Variants in TMEM163 observed in about 807,000 individuals in gnomAD.
TMEM163 encodes the protein transmembrane protein 163.
A neutral mutation model predicts 29.3 loss-of-function variants in TMEM163; 17 were observed. The observed-to-expected ratio is 0.58, with a 90% CI of 0.40 to 0.87. The LOEUF (loss-of-function observed/expected upper bound fraction) is 0.87. TMEM163 is among the 40% of genes least tolerant of loss of function. TMEM163 has a pLI of 0.00. For missense variants in TMEM163, 303 were observed against 381.5 expected (o/e 0.79, Z 1.71); for synonymous variants, 157 against 160.6 (o/e 0.98, Z 0.17).
At chr2:134,632,645 G>A (rs952470285) in intron 2 of TMEM163, among the ~76,000 whole-genome samples, 1 of 152,204 alleles carries the variant, frequency 6.6e-6, no homozygotes, top group Non-Finnish European at 1.5e-5. Context: ...GGTGGAAGGA[G>A]AGGGGCGCTG....
At chr2:134,465,186 C>CT (rs1686636926) in intron 6 of TMEM163, among the ~76,000 whole-genome samples, 1 of 94,270 alleles carries the variant, frequency 1.1e-5, no homozygotes, top group South Asian at 3.4e-4. Context: ...GAGTCCGCAT[C>CT]TTTAAAAAAA....
chr2:134,624,119 C>G (rs1482130744), intron 2 of TMEM163, among the ~76,000 whole-genome samples: 1 of 152,192 alleles, frequency 6.6e-6, no homozygotes, highest in African/African-American at 2.4e-5. Context: ...GCTCAGACCT[C>G]CCAGGCATCA....
chr2:134,486,596 A>G (rs1329390356), intron 5 of TMEM163, among the ~76,000 whole-genome samples: 4 of 152,252 alleles, frequency 2.6e-5, no homozygotes, highest in Non-Finnish European at 4.4e-5. Context: ...TTACAAAAAC[A>G]TGAACTATAA....
intron 4 of TMEM163, among the ~76,000 whole-genome samples, chr2:134,518,415 C>T (rs1680119834): frequency 6.6e-6 from 1 of 152,242 alleles, no homozygotes; most frequent in Non-Finnish European, 1.5e-5. Flanking sequence ...CACACCATCT[C>T]AAGAGATAAG....
chr2:134,587,387 G>C (rs953345306), intron 2 of TMEM163, among the ~76,000 whole-genome samples: 11 of 152,150 alleles, frequency 7.2e-5, no homozygotes, highest in Non-Finnish European at 1.5e-4. Flanking sequence ...CTCCAGCCTG[G>C]GTGACAGAGC....
At chr2:134,520,868 C>A (rs138692343) in intron 4 of TMEM163, among the ~76,000 whole-genome samples, 1 of 152,218 alleles carries the variant, frequency 6.6e-6, no homozygotes, top group Non-Finnish European at 1.5e-5. Context: ...CTGTGAGGCT[C>A]ATAAAGAATT....
Position 134,455,993 on chromosome 2 carries a change from T to TGCA in TMEM163, c.*722_*723insTGC, listed in dbSNP as rs1182674741. 1.3e-5 allele frequency: 2 copies of TGCA among 152,646 alleles called. No individual in the cohort carries two copies. Among genetic ancestry groups the TGCA allele is most frequent in the Non-Finnish European group, 2.9e-5 (2 of 68,088 alleles). 9.5% of individuals were successfully genotyped at this position (152,646 alleles called of 1,614,324 possible). A position where few individuals can be genotyped will look rare whatever the true frequency, so the allele number is the denominator to read the frequency against. ...ATAGATATATGCATATACGGATAGA[T>TGCA]TATATTTATTTATTACAAATAAACT... On this transcript the variant is annotated 3_prime_UTR_variant, in exon 8 of 8. Transcript: ENST00000281924.
chr2:134,612,447 C>T (rs1476439691), intron 2 of TMEM163, among the ~76,000 whole-genome samples: 1 of 152,028 alleles, frequency 6.6e-6, no homozygotes, highest in African/African-American at 2.4e-5. Flanking sequence ...GAGCCCCAGT[C>T]TCTCATCCAG....
intron 4 of TMEM163, among the ~76,000 whole-genome samples, chr2:134,533,956 C>A (rs1680473002): frequency 6.6e-6 from 1 of 152,090 alleles, no homozygotes. Flanking sequence ...ACTCAGTGAC[C>A]TTCCTTGGCC....
At chr2:134,611,409 G>C (rs1682501444) in intron 2 of TMEM163, among the ~76,000 whole-genome samples, 2 of 152,278 alleles carry the variant, frequency 1.3e-5, no homozygotes, top group South Asian at 4.1e-4. Context: ...ATATAATGAA[G>C]TGTTAAATGT....
At chr2:134,493,127 T>G (rs1017953864) in intron 5 of TMEM163, among the ~76,000 whole-genome samples, 3 of 152,164 alleles carry the variant, frequency 2.0e-5, no homozygotes, top group Non-Finnish European at 2.9e-5. Flanking sequence ...TCTTGGCCAT[T>G]TTTATCTTCT....
chr2:134,683,777 C>T (rs1483044516), intron 2 of TMEM163, among the ~76,000 whole-genome samples: 2 of 152,178 alleles, frequency 1.3e-5, no homozygotes, highest in Admixed American at 1.3e-4. Flanking sequence ...TGGCCAGCAA[C>T]AGGCAAAAGG....
intron 5 of TMEM163, among the ~76,000 whole-genome samples, chr2:134,483,501 C>T (rs1263197915): frequency 6.6e-6 from 1 of 152,190 alleles, no homozygotes; most frequent in Admixed American, 6.5e-5. Context: ...AATAACAACA[C>T]AAGCCCATAC....
chr2:134,513,122 T>C (rs1304350039), intron 4 of TMEM163, among the ~76,000 whole-genome samples: 2 of 152,232 alleles, frequency 1.3e-5, no homozygotes, highest in Non-Finnish European at 2.9e-5. Flanking sequence ...GTCTTGTTAA[T>C]GCGTGGTAGG....
At chr2:134,482,818 G>A (rs1356930118) in intron 5 of TMEM163, among the ~76,000 whole-genome samples, 1 of 152,168 alleles carries the variant, frequency 6.6e-6, no homozygotes, top group Non-Finnish European at 1.5e-5. Context: ...TGTCTGGAGG[G>A]TCAAGAGTTG....
At chr2:134,512,069 C>A (rs867089670) in intron 4 of TMEM163, among the ~76,000 whole-genome samples, 1 of 152,184 alleles carries the variant, frequency 6.6e-6, no homozygotes, top group African/African-American at 2.4e-5. Context: ...CGAATGTCTA[C>A]CATTTGCAAA....
chr2:134,626,173 C>T (rs771704714), intron 2 of TMEM163, among the ~76,000 whole-genome samples: 3 of 137,218 alleles, frequency 2.2e-5, no homozygotes, highest in African/African-American at 8.2e-5. Context: ...GGCATGATCT[C>T]GGCTCACTGC....
At chr2:134,718,217 C>A (rs1424470183) in intron 1 of TMEM163, among the ~76,000 whole-genome samples, 6 of 152,248 alleles carry the variant, frequency 3.9e-5, no homozygotes, top group Admixed American at 1.3e-4. Flanking sequence ...CCGGCTCGCT[C>A]CCCTCCTTGC....
rs527353745 is a variant in TMEM163 at position 134,693,739 on chromosome 2, A to G, written c.322+19461T>C. The stretch of plus-strand genomic sequence containing the variant: ...ATACCTGTCAGATAGCAGGTCTACT[A>G]TATTCTCTGTTGATGACATGACTTA... On this transcript the variant is annotated intron_variant, in intron 2 of 7. Transcript: ENST00000281924. 2.7e-4 allele frequency among the ~76,000 whole-genome samples: 41 copies of G among 152,178 alleles called. 1 individual carries two copies. In the South Asian group the frequency reaches 8.5e-3, roughly 32 times the overall value.
Sources: allele counts gnomAD v4.1 joint callset (sites outside exome capture counted in the v4.1 genomes callset), GRCh38; gene constraint gnomAD v4.1.1; transcripts MANE v1.5; gene names NCBI Gene and HGNC (gene_info 2026-07-23, HGNC 2026-07-21).